Variants in SLC35F3 observed in about 807,000 individuals in gnomAD.
SLC35F3 encodes solute carrier family 35 member F3.
In SLC35F3, 25 loss-of-function variants were observed where a neutral mutation model predicts 49.9. The ratio of observed to expected loss-of-function variants is 0.50; its 90% confidence interval spans 0.37 to 0.70. The LOEUF is 0.70. SLC35F3 is among the 30% of genes least tolerant of loss of function. The probability of loss-of-function intolerance (pLI) is 0.00; values close to 1 mark genes in which losing one functional copy is unlikely to be tolerated. For missense variants in SLC35F3, 525 were observed against 639.8 expected (o/e 0.82, Z 1.94); for synonymous variants, 275 against 265.4 (o/e 1.04, Z -0.35).
intron 2 of SLC35F3, among the ~76,000 whole-genome samples, chr1:234,108,817 T>C (rs900649208): frequency 7.2e-6 from 1 of 138,596 alleles, no homozygotes; most frequent in Non-Finnish European, 1.5e-5. Flanking sequence ...ATATAAAAGA[T>C]ATATATATAT....
intron 2 of SLC35F3, among the ~76,000 whole-genome samples, chr1:234,058,342 T>A (rs1310861180): frequency 7.4e-6 from 1 of 135,264 alleles, no homozygotes; most frequent in African/African-American, 2.9e-5. Context: ...TTTTTTTTTT[T>A]TTTTTTTTTT....
chr1:234,134,991 A>G (rs1429928197), intron 2 of SLC35F3, among the ~76,000 whole-genome samples: 1 of 152,200 alleles, frequency 6.6e-6, no homozygotes, highest in African/African-American at 2.4e-5. Context: ...AAGTGCTAGG[A>G]TTACAGGCCT....
intron 2 of SLC35F3, among the ~76,000 whole-genome samples, chr1:234,169,150 C>T (rs1303763843): frequency 6.6e-6 from 1 of 152,198 alleles, no homozygotes; most frequent in Admixed American, 6.5e-5. Context: ...CAAATTTGTC[C>T]TTCCTCTGCC....
chr1:234,317,163 G>A (rs4027083), intron 5 of SLC35F3, among the ~76,000 whole-genome samples: 12 of 152,288 alleles, frequency 7.9e-5, no homozygotes, highest in South Asian at 2.1e-4. Flanking sequence ...ACCACTGCTC[G>A]CTATGAATCC....
chr1:233,930,067 T>C (rs1044303916), intron 2 of SLC35F3, among the ~76,000 whole-genome samples: 2 of 151,918 alleles, frequency 1.3e-5, no homozygotes, highest in Admixed American at 1.3e-4. Flanking sequence ...GAAGATCTCT[T>C]GAGTTTATGA....
At chr1:233,993,361 C>T (rs1057438766) in intron 2 of SLC35F3, among the ~76,000 whole-genome samples, 3 of 152,118 alleles carry the variant, frequency 2.0e-5, no homozygotes, top group African/African-American at 4.8e-5. Flanking sequence ...GAAGAGAAAG[C>T]GATATGCTGA....
At chr1:234,108,508 TAA>T (rs1215434113) in intron 2 of SLC35F3, among the ~76,000 whole-genome samples, 1 of 113,044 alleles carries the variant, frequency 8.8e-6, no homozygotes, top group African/African-American at 3.5e-5. Context: ...TTTATATATA[TAA>T]ATGATATATA....
At position 233,909,057 on chromosome 1, in the gene SLC35F3, C is replaced by A. The variant is rs142842608; in HGVS notation, c.283+3299C>A. ...TATTTTTAGTAGAGACAGGGTTTCA[C>A]CATGTTGGTCAGGCTGGTCTCGAAC... On this transcript the variant is annotated intron_variant, in intron 2 of 7. Coordinates refer to ENST00000366618, the MANE Select transcript of SLC35F3 (RefSeq NM_173508.4). 1.6e-4 allele frequency among the ~76,000 whole-genome samples: 24 copies of A among 152,032 alleles called. No homozygotes were observed. In the East Asian group the frequency reaches 4.4e-3, roughly 28 times the overall value.
At chr1:234,017,952 C>T (rs891981786) in intron 2 of SLC35F3, among the ~76,000 whole-genome samples, 1 of 151,634 alleles carries the variant, frequency 6.6e-6, no homozygotes, top group African/African-American at 2.4e-5. Flanking sequence ...TTTCACCACT[C>T]AATTTGGGGG....
intron 2 of SLC35F3, among the ~76,000 whole-genome samples, chr1:234,190,508 G>T (rs1360366703): frequency 6.6e-6 from 1 of 152,130 alleles, no homozygotes; most frequent in Non-Finnish European, 1.5e-5. Flanking sequence ...GCCTTAACAG[G>T]AAAATGTCAC....
At chr1:233,932,632 C>A (rs1174887960) in intron 2 of SLC35F3, among the ~76,000 whole-genome samples, 1 of 152,082 alleles carries the variant, frequency 6.6e-6, no homozygotes, top group East Asian at 1.9e-4. Context: ...TGTTATACCA[C>A]AATTTAAAAA....
At chr1:233,928,809 G>T (rs369053828) in intron 2 of SLC35F3, among the ~76,000 whole-genome samples, 1 of 152,238 alleles carries the variant, frequency 6.6e-6, no homozygotes, top group East Asian at 1.9e-4. Context: ...AATGCAGGGT[G>T]GTAAGTAGTA....
At chr1:234,114,122 T>C (rs965592576) in intron 2 of SLC35F3, among the ~76,000 whole-genome samples, 1 of 152,302 alleles carries the variant, frequency 6.6e-6, no homozygotes, top group East Asian at 1.9e-4. Flanking sequence ...TGGAAGGAGA[T>C]ACACACGATA....
At chr1:234,089,237 CCAGA>C (rs1665006576) in intron 2 of SLC35F3, among the ~76,000 whole-genome samples, 1 of 152,146 alleles carries the variant, frequency 6.6e-6, no homozygotes, top group South Asian at 2.1e-4. Context: ...ATTAAATTAC[CCAGA>C]CAGACCATAA....
intron 2 of SLC35F3, among the ~76,000 whole-genome samples, chr1:234,190,952 A>G (rs188435743): frequency 6.6e-6 from 1 of 152,348 alleles, no homozygotes; most frequent in African/African-American, 2.4e-5. Flanking sequence ...AAGAGAAGAG[A>G]AAAAGAAAAG....
chr1:234,231,111 A>C lies in SLC35F3; in HGVS notation c.284-306A>C, dbSNP rs952656205. On this transcript the variant is annotated intron_variant, in intron 2 of 7. Transcript: ENST00000366618. The surrounding 1 kb of genome is among the most constrained non-coding windows in gnomAD (Gnocchi z 5.4). ...TGAGGAATGCAGGTTCTGATTTTGG[A>C]GTCTGGGGTGAGCCCTGAGATTCTG... Among the ~76,000 whole-genome samples, 115 of 152,280 alleles carry C rather than the reference A, an allele frequency of 7.6e-4. No individual in the cohort carries two copies. The highest frequency in any genetic ancestry group is 2.8e-3 in the African/African-American group (115 of 41,550).
At chr1:233,923,264 T>C (rs549028989) in intron 2 of SLC35F3, among the ~76,000 whole-genome samples, 1 of 152,356 alleles carries the variant, frequency 6.6e-6, no homozygotes, top group East Asian at 1.9e-4. Context: ...ATGATATTGA[T>C]TCTTCCTATC....
chr1:234,270,101 C>G (rs1223774610), intron 3 of SLC35F3, among the ~76,000 whole-genome samples: 1 of 152,234 alleles, frequency 6.6e-6, no homozygotes, highest in East Asian at 1.9e-4. Context: ...TGTCCACTTG[C>G]TCTTCTAGGA....
chr1:233,996,986 T>A (rs540057674), intron 2 of SLC35F3, among the ~76,000 whole-genome samples: 11 of 152,298 alleles, frequency 7.2e-5, no homozygotes, highest in African/African-American at 2.4e-4. Flanking sequence ...CGATTTCACA[T>A]GTAAGTGAGA....
Sources: gnomAD v4.1 joint callset for allele counts (sites outside exome capture counted in the v4.1 genomes callset) on GRCh38, gnomAD v4.1.1 for gene constraint, Gnocchi (gnomAD v3.1) non-coding constraint, MANE v1.5 for transcripts, NCBI Gene and HGNC (gene_info 2026-07-23, HGNC 2026-07-21) for gene names.